Variants in ZNF680 observed in about 807,000 individuals in gnomAD.
The protein encoded by ZNF680 is hypothetical protein FLJ90430.
In ZNF680, 6 loss-of-function variants were observed where a neutral mutation model predicts 12.1. The ratio of observed to expected loss-of-function variants is 0.49; its 90% CI spans 0.27 to 0.98. ZNF680 has a LOEUF of 0.98. Ranked by LOEUF, ZNF680 falls within the 50% of genes least tolerant of loss-of-function variation. The pLI, the probability that ZNF680 is intolerant of heterozygous loss-of-function variation, is 0.12. For synonymous variants in ZNF680, 170 were observed against 199.3 expected, an observed-to-expected ratio of 0.85 and a Z score of 1.24; for missense variants, 561 against 616.3, an observed-to-expected ratio of 0.91 and a Z score of 0.95.
chr7:64,521,821 G>A lies in ZNF680; in HGVS notation c.933C>T (p.Asn311=), dbSNP rs1323311354. ...KAFNWFATLT[N]HKRIHTGEKP... is the part of the protein sequence containing the mutation. Reference sequence around the variant, plus strand: ...TCTCTCCAGTATGAATTCTCTTATGGTTAGTAAGGGTTGCAAACCAGTTAA... The same window carrying A: ...TCTCTCCAGTATGAATTCTCTTATGATTAGTAAGGGTTGCAAACCAGTTAA... Residue 311 remains asparagine, a synonymous_variant, in exon 4 of 4, where the codon AAC becomes AAT. Coordinates refer to ENST00000309683, the MANE Select transcript of ZNF680 (RefSeq NM_178558.5). 6.2e-7 allele frequency: 1 copy of A among 1,606,902 alleles called. No homozygotes were observed. The highest frequency in any genetic ancestry group is 8.5e-7 in the Non-Finnish European group (1 of 1,177,486).
intron 3 of ZNF680, among the ~76,000 whole-genome samples, chr7:64,536,104 A>G (rs975225457): frequency 3.3e-5 from 5 of 152,192 alleles, no homozygotes; most frequent in African/African-American, 1.2e-4. Flanking sequence ...AGGTCTCCAA[A>G]ATATATAAAG....
chr7:64,522,168 G>A lies in ZNF680; in HGVS notation c.586C>T (p.His196Tyr), dbSNP rs148901631. The A allele has an allele frequency of 2.1e-5, 34 of 1,612,902 alleles. No homozygotes were observed. The African/African-American group carries it at 3.3e-4, about 16-fold the overall frequency. ...ECGKSFCMLS[H>Y]LTQHIRIHTR... The stretch of plus-strand genomic sequence containing the variant: ...TGAATTCTTATATGTTGTGTTAGAT[G>A]TGAAAGCATGCAAAATGATTTGCCA... Residue 196 changes from histidine (H) to tyrosine (Y), a missense_variant, in exon 4 of 4, where the codon CAT (histidine) becomes TAT (tyrosine). Physicochemically the swap from His to Tyr is moderately conservative, Grantham distance 83. Coordinates refer to ENST00000309683, the MANE Select transcript of ZNF680 (RefSeq NM_178558.5).
rs181435865 is a variant in ZNF680, at chr7:64,538,083, T to C, written c.253+5624A>G. 1.6e-4 allele frequency among the ~76,000 whole-genome samples: 25 copies of C among 152,328 alleles called. No individual in the cohort carries two copies. In the East Asian group the frequency reaches 4.6e-3, roughly 28 times the overall value. Reference sequence around the variant, plus strand: ...AAAATAACGTTGAAATCAGGTTATCTACACTGATAAAGCTGAATCCTTTCC... The same window carrying C: ...AAAATAACGTTGAAATCAGGTTATCCACACTGATAAAGCTGAATCCTTTCC... On this transcript the variant is annotated intron_variant, in intron 3 of 3. Transcript: ENST00000309683.
chr7:64,519,063 G>A (rs1791413364), downstream of ZNF680, among the ~76,000 whole-genome samples: 1 of 151,848 alleles, frequency 6.6e-6, no homozygotes, highest in Non-Finnish European at 1.5e-5. Context: ...AACCCACAGA[G>A]TGAGATAAAA....
At chr7:64,508,148 A>ATATATATATATATATATATATATAT in the ZNF680 span, among the ~76,000 whole-genome samples, 1 of 95,380 alleles carries the variant, frequency 1.0e-5, no homozygotes, top group African/African-American at 5.5e-5. Flanking sequence ...TATATACATA[A>ATATATATATATATATATATATATAT]TTTTTTTTTT....
chr7:64,545,563 C>A (rs1371978660), intron 1 of ZNF680, among the ~76,000 whole-genome samples: 4 of 152,172 alleles, frequency 2.6e-5, no homozygotes, highest in African/African-American at 9.7e-5. Flanking sequence ...AACACAGCAT[C>A]ACTGCTGGAA....
chr7:64,531,192 C>T (rs538163872), intron 3 of ZNF680, among the ~76,000 whole-genome samples: 17 of 152,178 alleles, frequency 1.1e-4, no homozygotes, highest in Middle Eastern at 3.4e-3. Context: ...TACTCAACAG[C>T]GGGTGAAACT....
At chr7:64,535,355 C>A (rs1188090397) in intron 3 of ZNF680, among the ~76,000 whole-genome samples, 1 of 132,620 alleles carries the variant, frequency 7.5e-6, no homozygotes, top group Non-Finnish European at 1.5e-5. Context: ...GCTGACAGAG[C>A]GAGGCCACAA....
chr7:64,545,782 C>G (rs888976369), intron 1 of ZNF680, among the ~76,000 whole-genome samples: 3 of 152,114 alleles, frequency 2.0e-5, no homozygotes, highest in Admixed American at 1.3e-4. Context: ...TTTAAATAAG[C>G]ATTTTCTTGA....
At chr7:64,532,079 G>T (rs938779751) in intron 3 of ZNF680, among the ~76,000 whole-genome samples, 1 of 152,206 alleles carries the variant, frequency 6.6e-6, no homozygotes, top group Non-Finnish European at 1.5e-5. Flanking sequence ...GCCCAGGGGG[G>T]CAGATTACAA....
At chr7:64,501,859 G>A in the ZNF680 span, 1 of 527,436 alleles carries the variant, frequency 1.9e-6, no homozygotes, top group Middle Eastern at 6.0e-4. Context: ...TCTTTCCCAT[G>A]TTAATTCATA....
chr7:64,521,169 T>C lies in ZNF680; in HGVS notation c.1585A>G (p.Asn529Asp). ...KPEKCDNNFDNT is the reference protein window; with the variant it reads ...KPEKCDNNFDDT The stretch of plus-strand genomic sequence containing the variant: ...TTATGTTTAGAAAAGTTTTAGGTGT[T>C]ATCAAAATTATTGTCACATTTTTCA... Residue 529 changes from asparagine (N) to aspartate (D), a missense_variant, in exon 4 of 4, where the codon AAC becomes GAC. By Grantham distance (23) the Asn-to-Asp change is conservative (BLOSUM62 1). Coordinates refer to ENST00000309683, the MANE Select transcript of ZNF680 (RefSeq NM_178558.5). 1.9e-6 allele frequency: 3 copies of C among 1,606,092 alleles called. No individual in the cohort carries two copies. Among genetic ancestry groups the C allele is most frequent in the Non-Finnish European group, 2.5e-6 (3 of 1,176,882 alleles).
intron 3 of ZNF680, among the ~76,000 whole-genome samples, chr7:64,537,798 C>T (rs138299988): frequency 0.017 from 2,535 of 152,040 alleles, 79 homozygotes; most frequent in African/African-American, 0.057. Flanking sequence ...GGCGTGGTGG[C>T]GGGCGCCTGT....
rs779498558 is a variant in ZNF680, at chr7:64,521,087, TGGAA to T, written c.*70_*73del. ...ACCTACAAGCAAGTGTAACAATCAT[TGGAA>T]GGCTTTGTCAAATTCTTCACATTTT... is the stretch of plus-strand genomic sequence containing the variant. On this transcript the variant is annotated 3_prime_UTR_variant, in exon 4 of 4. Transcript: ENST00000309683. 51 of 1,427,752 alleles carry T rather than the reference TGGAA, an allele frequency of 3.6e-5. No individual in the cohort carries two copies. The highest frequency in any genetic ancestry group is 4.5e-5 in the Non-Finnish European group (48 of 1,054,976). The allele number at this position is 1,427,752 out of a possible 1,614,324, so 88.4% of individuals were successfully genotyped here.
intron 1 of ZNF680, among the ~76,000 whole-genome samples, chr7:64,553,670 C>T (rs1164753409): frequency 6.6e-6 from 1 of 152,260 alleles, no homozygotes; most frequent in Non-Finnish European, 1.5e-5. Flanking sequence ...CATCTCGGCT[C>T]ACTGCAACCT....
chr7:64,522,552 AT>A, intron 3 of ZNF680, 52 bp from the exon 4 acceptor site: 3 of 1,230,800 alleles, frequency 2.4e-6, no homozygotes, highest in Middle Eastern at 2.1e-4. Flanking sequence ...TCAGATGAAT[AT>A]ATTTTACATA....
the ZNF680 span, among the ~76,000 whole-genome samples, chr7:64,508,140 T>TATATATATATATAC: frequency 1.5e-5 from 2 of 134,826 alleles, no homozygotes; most frequent in Admixed American, 7.5e-5. Context: ...TATATATATA[T>TATATATATATATAC]ATACATAATT....
the ZNF680 span, among the ~76,000 whole-genome samples, chr7:64,503,748 T>A: frequency 6.6e-6 from 1 of 152,200 alleles, no homozygotes; most frequent in African/African-American, 2.4e-5. Flanking sequence ...TCATTTTCTA[T>A]CTGCATCCTC....
At chr7:64,547,380 A>G (rs1786841619) in intron 1 of ZNF680, among the ~76,000 whole-genome samples, 1 of 152,234 alleles carries the variant, frequency 6.6e-6, no homozygotes, top group African/African-American at 2.4e-5. Flanking sequence ...GGTCCTTTAA[A>G]GTCTACAGAG....
Sources: gnomAD v4.1 joint callset for allele counts (sites outside exome capture counted in the v4.1 genomes callset) on GRCh38, gnomAD v4.1.1 for gene constraint, MANE v1.5 for transcripts, NCBI Gene and HGNC (gene_info 2026-07-23, HGNC 2026-07-21) for gene names.